Variants in AGAP1 observed in about 807,000 individuals in gnomAD.
AGAP1 encodes the protein ArfGAP with GTPase domain, ankyrin repeat and PH domain 1.
AGAP1 carries 29 observed loss-of-function variants against 105.3 expected under a neutral mutation model. The observed-to-expected ratio is 0.28, with a 90% confidence interval of 0.21 to 0.38. AGAP1 has a LOEUF of 0.38. Ranked by LOEUF, AGAP1 falls within the 10% of genes least tolerant of loss-of-function variation. The pLI, the probability that AGAP1 is intolerant of heterozygous loss-of-function variation, is 1.00. For synonymous variants in AGAP1, 509 were observed against 485.9 expected (o/e 1.05, Z -0.63); for missense variants, 998 against 1,165.1 (o/e 0.86, Z 2.09).
At position 235,611,662 on chromosome 2, in the gene AGAP1, T is replaced by G. The variant is rs1278471424; in HGVS notation, c.164-97517T>G. 6.6e-6 allele frequency among the ~76,000 whole-genome samples: 1 copy of G among 152,212 alleles called. No individual in the cohort carries two copies. The highest frequency in any genetic ancestry group is 1.9e-4 in the East Asian group (1 of 5,194). The stretch of plus-strand genomic sequence containing the variant: ...TGGATCTTTAGATTGATAAGCAGGA[T>G]AGTAAACCAGTTGTGAGGAACATTG... On this transcript the variant is annotated intron_variant, in intron 1 of 17. Transcript: ENST00000304032. This position sits in a 1 kb window ranked among gnomAD's most constrained non-coding sequence, Gnocchi z 5.0.
In AGAP1 at chr2:235,751,721, C is replaced by T. The variant is rs993259872; in HGVS notation, c.673+1233C>T. On this transcript the variant is annotated intron_variant, in intron 6 of 17. Transcript: ENST00000304032. The surrounding 1 kb of genome is among the most constrained non-coding windows in gnomAD (Gnocchi z 5.3). Reference sequence around the variant, plus strand: ...CCTTTCTAAGCCTGCCGTCTCTTCCCGCGCATCTCTGCCTCTCAGATACTT... The same window carrying T: ...CCTTTCTAAGCCTGCCGTCTCTTCCTGCGCATCTCTGCCTCTCAGATACTT... Among the ~76,000 whole-genome samples the T allele has an allele frequency of 5.3e-5, 8 of 152,200 alleles. No homozygotes were observed. Among genetic ancestry groups the T allele is most frequent in the African/African-American group, 9.7e-5 (4 of 41,450 alleles).
intron 1 of AGAP1, among the ~76,000 whole-genome samples, chr2:235,673,829 T>G (rs1051664194): frequency 6.6e-6 from 1 of 152,362 alleles, no homozygotes; most frequent in African/African-American, 2.4e-5. Context: ...TTTCTTCCGT[T>G]AGAATCTTTT....
intron 13 of AGAP1, among the ~76,000 whole-genome samples, chr2:236,007,932 T>C (rs1319041932): frequency 6.6e-6 from 1 of 152,232 alleles, no homozygotes. Context: ...ACACACACAA[T>C]TGTGTGACCA....
rs757492059 is a variant in AGAP1, at chr2:236,078,346, A to G, written c.2114+29065A>G. Among the ~76,000 whole-genome samples the G allele has an allele frequency of 4.6e-5, 7 of 152,094 alleles. No individual in the cohort carries two copies. In the South Asian group the frequency reaches 8.3e-4, roughly 18 times the overall value. ...ATGAGGCCCACCTGCTTTCTCAAGGATAATTGCCTTTGTTTGGAGTCCATG... is the reference window on the plus strand; with the variant it reads ...ATGAGGCCCACCTGCTTTCTCAAGGGTAATTGCCTTTGTTTGGAGTCCATG... On this transcript the variant is annotated intron_variant, in intron 16 of 17. Coordinates refer to ENST00000304032, the MANE Select transcript of AGAP1 (RefSeq NM_001037131.3). The surrounding 1 kb of genome is among the most constrained non-coding windows in gnomAD (Gnocchi z 5.3).
At chr2:235,984,921 A>G (rs1374083540) in intron 13 of AGAP1, among the ~76,000 whole-genome samples, 1 of 152,130 alleles carries the variant, frequency 6.6e-6, no homozygotes, top group Non-Finnish European at 1.5e-5. Context: ...ATATGTGTGA[A>G]TGTGTTTTTA....
intron 16 of AGAP1, among the ~76,000 whole-genome samples, chr2:236,054,526 TAAAA>T (rs1286784940): frequency 1.7e-5 from 2 of 117,088 alleles, no homozygotes; most frequent in Non-Finnish European, 3.9e-5. Flanking sequence ...AGAAAAAAAA[TAAAA>T]AAAGGACTTT....
intron 6 of AGAP1, among the ~76,000 whole-genome samples, chr2:235,775,204 A>C (rs1955771012): frequency 6.6e-6 from 1 of 152,112 alleles, no homozygotes; most frequent in African/African-American, 2.4e-5. Context: ...GCAGTAACCA[A>C]TTTGGGATTC....
At chr2:235,656,686 A>C (rs1947784504) in intron 1 of AGAP1, among the ~76,000 whole-genome samples, 1 of 152,180 alleles carries the variant, frequency 6.6e-6, no homozygotes, top group South Asian at 2.1e-4. Context: ...CAGGGATAAG[A>C]ACCCCTTCCC....
At position 235,962,899 on chromosome 2, in the gene AGAP1, C is replaced by G. The variant is rs1394446882; in HGVS notation, c.1484-5563C>G. The stretch of plus-strand genomic sequence containing the variant: ...ATGCCTGTAGCACCTCCACTCCACC[C>G]AGTTTGATACCCAGAAACGTCTCCA... On this transcript the variant is annotated intron_variant, in intron 12 of 17. Coordinates refer to ENST00000304032, the MANE Select transcript of AGAP1 (RefSeq NM_001037131.3). The surrounding 1 kb of genome is among the most constrained non-coding windows in gnomAD (Gnocchi z 5.3). Among the ~76,000 whole-genome samples, 3 of 152,166 alleles carry G rather than the reference C, an allele frequency of 2.0e-5. No homozygotes were observed. Among genetic ancestry groups the G allele is most frequent in the Admixed American group, 6.5e-5 (1 of 15,280 alleles).
In AGAP1 at chr2:235,701,814, T is replaced by G. The variant is rs1950273204; in HGVS notation, c.164-7365T>G. On this transcript the variant is annotated intron_variant, in intron 1 of 17. Transcript: ENST00000304032. This position sits in a 1 kb window ranked among gnomAD's most constrained non-coding sequence, Gnocchi z 4.1. ...TCCACTTCCTTCCTCGGCACAGAACTGACAGGCTGTGGCAGCCACAGCCTC... is the reference window on the plus strand; with the variant it reads ...TCCACTTCCTTCCTCGGCACAGAACGGACAGGCTGTGGCAGCCACAGCCTC... Among the ~76,000 whole-genome samples, 1 of 152,110 alleles carries G rather than the reference T, an allele frequency of 6.6e-6. No individual in the cohort carries two copies. Among genetic ancestry groups the G allele is most frequent in the Non-Finnish European group, 1.5e-5 (1 of 68,016 alleles).
At chr2:235,884,102 G>T (rs2050154972) in intron 10 of AGAP1, among the ~76,000 whole-genome samples, 1 of 152,128 alleles carries the variant, frequency 6.6e-6, no homozygotes, top group Non-Finnish European at 1.5e-5. Context: ...ATTTAAAGTT[G>T]GGGTGTTCTA....
intron 1 of AGAP1, among the ~76,000 whole-genome samples, chr2:235,647,006 G>A (rs1303181477): frequency 6.6e-6 from 1 of 151,990 alleles, no homozygotes; most frequent in African/African-American, 2.4e-5. Flanking sequence ...CGTGGTGGCA[G>A]GCGCCTGTAG....
At chr2:235,562,940 G>A (rs1346184123) in intron 1 of AGAP1, among the ~76,000 whole-genome samples, 1 of 152,028 alleles carries the variant, frequency 6.6e-6, no homozygotes, top group African/African-American at 2.4e-5. Flanking sequence ...TGCGCCTGTA[G>A]TCCCAGCTAC....
chr2:236,124,077 CAAT>C lies in AGAP1; in HGVS notation c.2532_2534del (p.Asn845del). The C allele has an allele frequency of 6.2e-7, 1 of 1,614,138 alleles. No homozygotes were observed. Among genetic ancestry groups the C allele is most frequent in the Non-Finnish European group, 8.5e-7 (1 of 1,179,980 alleles). ...CCACCCCTAACCTGTCCAGGAGAAACAATAACCGGAACAACAGCAGTGGGAGGG... is the reference window on the plus strand; with the variant it reads ...CCACCCCTAACCTGTCCAGGAGAAACAACCGGAACAACAGCAGTGGGAGGG... On this transcript the variant is annotated inframe_deletion, in exon 18 of 18. Transcript: ENST00000304032. This position sits in a 1 kb window ranked among gnomAD's most constrained non-coding sequence, Gnocchi z 5.1.
In AGAP1 at chr2:235,566,831, A is replaced by G. The variant is rs1944361466; in HGVS notation, c.163+71982A>G. ...ACTAGGTGGCTTAAAACAACAGAAC[A>G]TCATTCTTTTACAGTTCTGGAGGCC... On this transcript the variant is annotated intron_variant, in intron 1 of 17. Transcript: ENST00000304032. This position sits in a 1 kb window ranked among gnomAD's most constrained non-coding sequence, Gnocchi z 5.2. 6.6e-6 allele frequency among the ~76,000 whole-genome samples: 1 copy of G among 152,206 alleles called. No homozygotes were observed. Among genetic ancestry groups the G allele is most frequent in the South Asian group, 2.1e-4 (1 of 4,826 alleles).
chr2:236,036,473 A>G lies in AGAP1; in HGVS notation c.1646-88A>G. ...CACCGGTCCATGCAGGGGCAGCTGA[A>G]CCCAGAGGCGCTTCTGTGACAGAGG... On this transcript the variant is annotated intron_variant, in intron 13 of 17. Coordinates refer to ENST00000304032, the MANE Select transcript of AGAP1 (RefSeq NM_001037131.3). The surrounding 1 kb of genome is among the most constrained non-coding windows in gnomAD (Gnocchi z 5.7). 1 of 1,539,220 alleles carries G rather than the reference A, an allele frequency of 6.5e-7. No individual in the cohort carries two copies. Among genetic ancestry groups the G allele is most frequent in the South Asian group, 1.2e-5 (1 of 80,150 alleles).
intron 1 of AGAP1, among the ~76,000 whole-genome samples, chr2:235,686,419 C>CT (rs1302356012): frequency 1.3e-5 from 2 of 151,574 alleles, no homozygotes; most frequent in African/African-American, 2.4e-5. Flanking sequence ...AATAAAAACT[C>CT]TAACATCACC....
chr2:235,626,779 A>T (rs184627622), intron 1 of AGAP1, among the ~76,000 whole-genome samples: 22 of 152,302 alleles, frequency 1.4e-4, no homozygotes, highest in Non-Finnish European at 8.8e-5. Flanking sequence ...GGTTTTGAGG[A>T]TGGTACCGTC....
rs1195509923 is a variant in AGAP1 at position 235,732,329 on chromosome 2, C to T, written c.311-8634C>T. The stretch of plus-strand genomic sequence containing the variant: ...CTGTGTCAGAAACTCAGCTTTCAGC[C>T]TTGTCTCTTCTGCTCCTTACTTTTT... On this transcript the variant is annotated intron_variant, in intron 3 of 17. Coordinates refer to ENST00000304032, the MANE Select transcript of AGAP1 (RefSeq NM_001037131.3). This position sits in a 1 kb window ranked among gnomAD's most constrained non-coding sequence, Gnocchi z 4.8. Among the ~76,000 whole-genome samples the T allele has an allele frequency of 6.6e-6, 1 of 152,226 alleles. No homozygotes were observed. Among genetic ancestry groups the T allele is most frequent in the Non-Finnish European group, 1.5e-5 (1 of 68,040 alleles).
Sources: gnomAD v4.1 joint callset for allele counts (sites outside exome capture counted in the v4.1 genomes callset) on GRCh38, gnomAD v4.1.1 for gene constraint, Gnocchi (gnomAD v3.1) non-coding constraint, MANE v1.5 for transcripts, NCBI Gene and HGNC (gene_info 2026-07-23, HGNC 2026-07-21) for gene names.